ARID1B: variants seen among roughly 807,000 people sequenced by gnomAD.
ARID1B encodes the protein AT-rich interactive domain-containing protein 1B.
Under a neutral mutation model 212.3 loss-of-function variants are expected in ARID1B, and 30 were observed. The ratio of observed to expected loss-of-function variants is 0.14; its 90% CI spans 0.11 to 0.19. The LOEUF (loss-of-function observed/expected upper bound fraction) is 0.19, where lower values mean the gene tolerates loss of function less well. Ranked by LOEUF, ARID1B falls within the 10% of genes least tolerant of loss-of-function variation. The probability of loss-of-function intolerance (pLI) is 1.00; values close to 1 mark genes in which losing one functional copy is unlikely to be tolerated. For synonymous variants in ARID1B, 1,402 were observed against 1,301.7 expected (o/e 1.08, Z -1.66); for missense variants, 2,891 against 3,204.0 (o/e 0.90, Z 2.36).
In ARID1B at chr6:157,148,895, G is replaced by T. The variant is rs1258900684; in HGVS notation, c.3033G>T (p.Lys1011Asn). The change falls in exon 8 of 20, where the codon AAG (lysine) becomes AAT (asparagine). Residue 1011 changes from lysine (K) to asparagine (N), a missense_variant. By Grantham distance (94) the Lys-to-Asn change is moderately conservative (BLOSUM62 0). Coordinates refer to ENST00000636930, the MANE Select transcript of ARID1B (RefSeq NM_001374828.1). This position sits in a 1 kb window ranked among gnomAD's most constrained non-coding sequence, Gnocchi z 5.6. ...MGPPMPTVNR[K>N]AQEAAAAVMQ... ...CGCCAATGCCAACTGTGAACCGTAA[G>T]GCACAGGAGGCAGCCGCAGCAGTGA... 6 of 1,612,724 alleles carry T rather than the reference G, an allele frequency of 3.7e-6. No homozygotes were observed. The highest frequency in any genetic ancestry group is 5.1e-6 in the Non-Finnish European group (6 of 1,179,932).
intron 4 of ARID1B, among the ~76,000 whole-genome samples, chr6:157,077,249 A>G (rs1242254617): frequency 2.6e-5 from 4 of 152,228 alleles, no homozygotes; most frequent in African/African-American, 4.8e-5. Context: ...TTATTCTTAA[A>G]TAGTACCTGC....
chr6:156,900,390 T>C (rs1788821038), intron 2 of ARID1B, among the ~76,000 whole-genome samples: 1 of 152,226 alleles, frequency 6.6e-6, no homozygotes, highest in African/African-American at 2.4e-5. Flanking sequence ...TTTTTCCTCA[T>C]TCAGTATTTC....
chr6:156,781,480 A>G (rs1328447934), intron 1 of ARID1B, among the ~76,000 whole-genome samples: 3 of 152,154 alleles, frequency 2.0e-5, no homozygotes, highest in African/African-American at 7.2e-5. Context: ...CGTTGTATGT[A>G]TATTTTTATG....
At chr6:157,153,654 C>G (rs1350392155) in intron 8 of ARID1B, among the ~76,000 whole-genome samples, 1 of 152,164 alleles carries the variant, frequency 6.6e-6, no homozygotes, top group Non-Finnish European at 1.5e-5. Context: ...TGGCCTACCA[C>G]TTCCTAAAGA....
chr6:156,821,425 GA>G (rs1238902008), intron 1 of ARID1B, among the ~76,000 whole-genome samples: 2 of 152,240 alleles, frequency 1.3e-5, no homozygotes, highest in Non-Finnish European at 2.9e-5. Flanking sequence ...AGCTTACAGC[GA>G]TCTTCAAATA....
intron 4 of ARID1B, among the ~76,000 whole-genome samples, chr6:156,948,500 G>A (rs1333791816): frequency 3.3e-5 from 5 of 152,144 alleles, no homozygotes; most frequent in Admixed American, 2.0e-4. Context: ...TCTGCCGCCC[G>A]CCCAAGTGCT....
At chr6:157,039,851 T>C (rs1781724562) in intron 4 of ARID1B, among the ~76,000 whole-genome samples, 1 of 119,538 alleles carries the variant, frequency 8.4e-6, no homozygotes, top group Non-Finnish European at 1.6e-5. Flanking sequence ...TCTCTCTTTC[T>C]CTCTCTTTCT....
intron 1 of ARID1B, among the ~76,000 whole-genome samples, chr6:156,780,058 G>T (rs1779128478): frequency 6.6e-6 from 1 of 152,158 alleles, no homozygotes; most frequent in African/African-American, 2.4e-5. Flanking sequence ...GAGACACTCG[G>T]TGCGGGCTTC....
chr6:157,174,344 G>A, intron 10 of ARID1B: 1 of 454,990 alleles, frequency 2.2e-6, no homozygotes, highest in Non-Finnish European at 3.9e-6. Context: ...TGGGGGAGAG[G>A]GGTGGAGGGA....
intron 1 of ARID1B, among the ~76,000 whole-genome samples, chr6:156,809,295 C>G (rs1781399986): frequency 6.6e-6 from 1 of 152,110 alleles, no homozygotes; most frequent in Non-Finnish European, 1.5e-5. Flanking sequence ...GAGATGTGGT[C>G]ATTTTGTACA....
intron 4 of ARID1B, among the ~76,000 whole-genome samples, chr6:156,958,331 C>A (rs867119244): frequency 1.1e-4 from 17 of 152,182 alleles, no homozygotes; most frequent in African/African-American, 4.1e-4. Flanking sequence ...ATACTGATTT[C>A]TCAGTATTTG....
intron 1 of ARID1B, among the ~76,000 whole-genome samples, chr6:156,792,329 C>T (rs1780067266): frequency 2.0e-5 from 3 of 152,240 alleles, no homozygotes; most frequent in South Asian, 4.1e-4. Flanking sequence ...AAGGCCGGAC[C>T]CAGTGGTTCA....
At chr6:156,823,138 A>G (rs1253099603) in intron 1 of ARID1B, among the ~76,000 whole-genome samples, 1 of 152,038 alleles carries the variant, frequency 6.6e-6, no homozygotes, top group Non-Finnish European at 1.5e-5. Flanking sequence ...TGTCTTCTCT[A>G]TGCCCGTGTG....
chr6:156,963,949 T>C (rs566135538), intron 4 of ARID1B, among the ~76,000 whole-genome samples: 1 of 152,250 alleles, frequency 6.6e-6, no homozygotes, highest in Non-Finnish European at 1.5e-5. Flanking sequence ...AGTATGAATA[T>C]GTGCTTGCCA....
At chr6:157,117,173 G>A (rs1437903520) in intron 6 of ARID1B, among the ~76,000 whole-genome samples, 1 of 152,080 alleles carries the variant, frequency 6.6e-6, no homozygotes, top group African/African-American at 2.4e-5. Flanking sequence ...GGCATTTCAA[G>A]GTTCTTTTTG....
chr6:156,852,856 A>G (rs571598090), intron 2 of ARID1B, among the ~76,000 whole-genome samples: 1 of 152,324 alleles, frequency 6.6e-6, no homozygotes, highest in Non-Finnish European at 1.5e-5. Context: ...TTATAACTTA[A>G]TATTTCTTCC....
chr6:156,930,770 A>G (rs1791629609), intron 3 of ARID1B, among the ~76,000 whole-genome samples: 1 of 151,954 alleles, frequency 6.6e-6, no homozygotes, highest in Non-Finnish European at 1.5e-5. Flanking sequence ...GCTCTACAAT[A>G]TATTAAGAGG....
At chr6:156,827,472 C>T (rs999091735) in intron 1 of ARID1B, among the ~76,000 whole-genome samples, 8 of 152,256 alleles carry the variant, frequency 5.3e-5, no homozygotes, top group Non-Finnish European at 1.0e-4. Flanking sequence ...CTGCTTCCAG[C>T]TGGGTCAGGT....
intron 13 of ARID1B, among the ~76,000 whole-genome samples, chr6:157,187,904 G>C (rs1370566884): frequency 1.3e-5 from 2 of 152,106 alleles, no homozygotes; most frequent in Non-Finnish European, 2.9e-5. Flanking sequence ...AGCGGAGCCT[G>C]CCTGAATTTC....
Sources: gnomAD v4.1 joint callset for allele counts (sites outside exome capture counted in the v4.1 genomes callset) on GRCh38, gnomAD v4.1.1 for gene constraint, Gnocchi (gnomAD v3.1) non-coding constraint, MANE v1.5 for transcripts, NCBI Gene and HGNC (gene_info 2026-07-23, HGNC 2026-07-21) for gene names.